IL3RA: variants seen among roughly 807,000 people sequenced by gnomAD.
IL3RA encodes interleukin-3 receptor subunit alpha.
Under a neutral mutation model 52.3 loss-of-function variants are expected in IL3RA, and 73 were observed. The observed-to-expected ratio is 1.40, with a 90% confidence interval of 1.16 to 1.70. IL3RA has a LOEUF of 1.70. IL3RA is among the 40% of genes most tolerant of loss of function. The pLI is 0.00. For synonymous variants in IL3RA, 260 were observed against 194.0 expected (o/e 1.34, Z -2.83); for missense variants, 664 against 504.4 (o/e 1.32, Z -3.03).
At chrX:1,344,646 T>G (rs747127845) in intron 2 of IL3RA, among the ~76,000 whole-genome samples, 1,518 of 142,128 alleles carry the variant, frequency 0.011, 13 homozygotes, top group Middle Eastern at 0.031. Context: ...GGTGGTGGGC[T>G]CCTGTAATCC....
chrX:1,378,684 C>G lies in IL3RA; in HGVS notation c.900C>G (p.Asn300Lys). ...RFECDQEEGA[N>K]TRAWRTSLLI... ...AGTGCGACCAGGAGGAGGGCGCAAA[C>G]ACACGTGCCTGGCGGACGTCGCTGC... The change falls in exon 10 of 12, where the codon AAC becomes AAG. Residue 300 changes from asparagine to lysine, a missense_variant. Physicochemically the swap from Asn to Lys is moderately conservative, Grantham distance 94 (BLOSUM62 0). Transcript: ENST00000331035. 6.2e-7 allele frequency: 1 copy of G among 1,612,708 alleles called. No individual in the cohort carries two copies. The highest frequency in any genetic ancestry group is 8.5e-7 in the Non-Finnish European group (1 of 1,179,828).
chrX:1,346,209 C>T (rs1410770065), intron 3 of IL3RA, among the ~76,000 whole-genome samples: 8 of 151,800 alleles, frequency 5.3e-5, no homozygotes, highest in South Asian at 2.1e-4. Flanking sequence ...GAGGCTGAGG[C>T]GGATGGATCA....
At chrX:1,345,509 A>T in intron 3 of IL3RA, 75 bp downstream of exon 3, 1 of 1,066,280 alleles carries the variant, frequency 9.4e-7, no homozygotes, top group Non-Finnish European at 1.3e-6. Flanking sequence ...TTATTTTTTG[A>T]GACGGAGTCT....
chrX:1,361,107 T>C (rs1204068951), intron 8 of IL3RA, among the ~76,000 whole-genome samples: 6 of 76,318 alleles, frequency 7.9e-5, no homozygotes, highest in South Asian at 5.8e-4. Flanking sequence ...CTCTCTCCCT[T>C]CCCCTCTCTG....
intron 9 of IL3RA, among the ~76,000 whole-genome samples, chrX:1,368,182 C>A (rs367897847): frequency 2.5e-4 from 37 of 150,708 alleles, no homozygotes; most frequent in African/African-American, 8.8e-4. Flanking sequence ...TGGCGTGAAC[C>A]CGGGAGGCGG....
chrX:1,343,058 G>T (rs17881009), intron 2 of IL3RA, among the ~76,000 whole-genome samples: 5,388 of 151,922 alleles, frequency 0.035, 121 homozygotes, highest in Middle Eastern at 0.085. Context: ...CTGGGCGACA[G>T]AGTGAGACTC....
At chrX:1,347,581 T>C (rs1341280734) in intron 3 of IL3RA, among the ~76,000 whole-genome samples, 5 of 151,456 alleles carry the variant, frequency 3.3e-5, no homozygotes, top group Middle Eastern at 3.4e-3. Flanking sequence ...ATCGCACCAC[T>C]GAAGTCTAGC....
chrX:1,348,327 TG>T, intron 3 of IL3RA, 103 bp from the exon 4 acceptor site: 1 of 882,950 alleles, frequency 1.1e-6, no homozygotes, highest in Non-Finnish European at 1.9e-6. Flanking sequence ...CACTCCAGCG[TG>T]GGCGACGAGA....
At chrX:1,378,845 TATC>T (rs2088983951) in intron 10 of IL3RA, 81 bp downstream of exon 10, 5 of 1,271,434 alleles carry the variant, frequency 3.9e-6, no homozygotes, top group African/African-American at 1.5e-5. Context: ...TCCTGAGAAT[TATC>T]ATTATTATTT....
At position 1,365,388 on chromosome X, in the gene IL3RA, C is replaced by G. The variant is rs868243493; in HGVS notation, c.874+136C>G. On this transcript the variant is annotated intron_variant, in intron 9 of 11. Coordinates refer to ENST00000331035, the MANE Select transcript of IL3RA (RefSeq NM_002183.4). ...GAGCCGGGTGCGCGGGGTGAGCCGG[C>G]TGCGCGGGGTGAGCGGGGTGAGCGG... The G allele has an allele frequency of 0.019, 847 of 44,426 alleles. 3 individuals carry two copies. The highest frequency in any genetic ancestry group is 0.062 in the Middle Eastern group (7 of 112). The allele number at this position is 44,426 out of a possible 1,614,324, so 2.8% of individuals were successfully genotyped here.
intron 4 of IL3RA, among the ~76,000 whole-genome samples, chrX:1,349,392 G>T (rs1603443638): frequency 1.3e-5 from 2 of 151,714 alleles, no homozygotes; most frequent in Non-Finnish European, 2.9e-5. Context: ...ATGTTGGTCA[G>T]GCTGGTCTCA....
intron 8 of IL3RA, among the ~76,000 whole-genome samples, chrX:1,360,851 C>T (rs1471350545): frequency 4.6e-4 from 70 of 151,400 alleles, no homozygotes; most frequent in East Asian, 2.5e-3. Flanking sequence ...TTCTAGCTCT[C>T]TCCCTGTCTC....
intron 4 of IL3RA, among the ~76,000 whole-genome samples, chrX:1,350,014 G>A (rs1294534997): frequency 6.6e-6 from 1 of 152,056 alleles, no homozygotes; most frequent in South Asian, 2.1e-4. Flanking sequence ...GGAAAAAAAA[G>A]ACCACTCCAG....
chrX:1,378,205 G>GAA (rs1319709197), intron 9 of IL3RA, among the ~76,000 whole-genome samples: 1 of 148,910 alleles, frequency 6.7e-6, no homozygotes, highest in African/African-American at 2.5e-5. Flanking sequence ...AAAAGAAAAA[G>GAA]AAAAAGAAAA....
chrX:1,352,406 A>T lies in IL3RA; in HGVS notation c.516A>T (p.Arg172=), dbSNP rs1425433255. ...RIGCRFDDIS[R]LSSGSQSSHI... is the part of the protein sequence containing the mutation. ...GGTGTCGTTTCGATGACATCTCTCG[A>T]CTCTCCAGCGGTTCTCAAAGTTCCC... Residue 172 remains arginine (R), a synonymous_variant, in exon 6 of 12, where the codon CGA becomes CGT. Coordinates refer to ENST00000331035, the MANE Select transcript of IL3RA (RefSeq NM_002183.4). 1 of 1,613,342 alleles carries T rather than the reference A, an allele frequency of 6.2e-7. No individual in the cohort carries two copies. The highest frequency in any genetic ancestry group is 1.3e-5 in the African/African-American group (1 of 74,784).
chrX:1,357,087 G>C (rs1382489022), intron 7 of IL3RA, among the ~76,000 whole-genome samples: 7 of 151,708 alleles, frequency 4.6e-5, no homozygotes, highest in Non-Finnish European at 7.4e-5. Context: ...CGAGTAGCTG[G>C]GATTATGGGC....
chrX:1,359,878 TA>T (rs1569524417), intron 8 of IL3RA, among the ~76,000 whole-genome samples: 3 of 146,820 alleles, frequency 2.0e-5, no homozygotes, highest in African/African-American at 7.6e-5. Flanking sequence ...TCTGTCTCTG[TA>T]ACCTTCTCCA....
At chrX:1,367,521 G>A (rs1302245688) in intron 9 of IL3RA, among the ~76,000 whole-genome samples, 2 of 88,642 alleles carry the variant, frequency 2.3e-5, no homozygotes, top group Non-Finnish European at 2.1e-5. Context: ...CCGGGTGCGC[G>A]GGGTGCGCGG....
intron 4 of IL3RA, among the ~76,000 whole-genome samples, chrX:1,348,885 T>TTTG (rs369944503): frequency 1.4e-5 from 2 of 140,866 alleles, no homozygotes; most frequent in African/African-American, 2.6e-5. Context: ...TTCCCTTTCG[T>TTTG]TTTCTTTTCC....
Sources: allele counts gnomAD v4.1 joint callset (sites outside exome capture counted in the v4.1 genomes callset), GRCh38; gene constraint gnomAD v4.1.1; transcripts MANE v1.5; gene names NCBI Gene and HGNC (gene_info 2026-07-23, HGNC 2026-07-21).